Variants in NRXN1 observed in about 807,000 individuals in gnomAD.
The protein encoded by NRXN1 is neurexin 1, also known as neurexin-1.
In NRXN1, 39 loss-of-function variants were observed where a neutral mutation model predicts 150.9. That is an observed-to-expected ratio of 0.26 (90% confidence interval 0.20 to 0.34). NRXN1 has a LOEUF of 0.34. Ranked by LOEUF, NRXN1 falls within the 10% of genes least tolerant of loss-of-function variation. The pLI, the probability that NRXN1 is intolerant of heterozygous loss-of-function variation, is 1.00. For missense variants in NRXN1, 1,815 were observed against 1,949.9 expected, an observed-to-expected ratio of 0.93 and a Z score of 1.30; for synonymous variants, 924 against 757.0, an observed-to-expected ratio of 1.22 and a Z score of -3.62.
intron 5 of NRXN1, among the ~76,000 whole-genome samples, chr2:50,792,411 T>C (rs1262587447): frequency 6.6e-6 from 1 of 152,120 alleles, no homozygotes; most frequent in African/African-American, 2.4e-5. Flanking sequence ...CAGTGCAGAC[T>C]GACCATTTAA....
At chr2:50,940,794 T>G (rs1009592112) in intron 2 of NRXN1, among the ~76,000 whole-genome samples, 1 of 152,216 alleles carries the variant, frequency 6.6e-6, no homozygotes, top group African/African-American at 2.4e-5. Flanking sequence ...AGGGGAAAAA[T>G]AATCAAAAGT....
intron 8 of NRXN1, among the ~76,000 whole-genome samples, chr2:50,571,886 C>T (rs760030754): frequency 2.0e-5 from 3 of 152,164 alleles, no homozygotes; most frequent in Non-Finnish European, 4.4e-5. Context: ...AACCTAAGAA[C>T]ATCCAGATAA....
intron 2 of NRXN1, among the ~76,000 whole-genome samples, chr2:51,026,678 T>C (rs1044006367): frequency 6.6e-6 from 1 of 152,200 alleles, no homozygotes; most frequent in Non-Finnish European, 1.5e-5. Flanking sequence ...AACATCTAAA[T>C]TTCTCTACTA....
chr2:50,166,734 T>C (rs1179774911), intron 18 of NRXN1, among the ~76,000 whole-genome samples: 1 of 152,174 alleles, frequency 6.6e-6, no homozygotes, highest in Non-Finnish European at 1.5e-5. Context: ...CATGAAGCAA[T>C]TAATATATAA....
intron 5 of NRXN1, among the ~76,000 whole-genome samples, chr2:50,825,897 G>A (rs748821427): frequency 2.6e-4 from 40 of 152,290 alleles, no homozygotes; most frequent in Non-Finnish European, 4.1e-4. Context: ...GTCTGTTGGA[G>A]AACTGCTGGC....
chr2:50,305,300 A>G (rs2152957958), intron 17 of NRXN1, among the ~76,000 whole-genome samples: 1 of 152,314 alleles, frequency 6.6e-6, no homozygotes, highest in South Asian at 2.1e-4. Context: ...TTTAACCAAG[A>G]AGATAAAGTA....
intron 8 of NRXN1, among the ~76,000 whole-genome samples, chr2:50,553,453 G>T (rs1323043034): frequency 1.3e-5 from 2 of 152,104 alleles, no homozygotes; most frequent in Non-Finnish European, 2.9e-5. Flanking sequence ...TAAAGCATTT[G>T]AAATTGGATA....
chr2:50,030,697 T>G lies in NRXN1; in HGVS notation c.4128+22574A>C, dbSNP rs375044957. 1.5e-4 allele frequency among the ~76,000 whole-genome samples: 23 copies of G among 152,288 alleles called. No homozygotes were observed. In the South Asian group the frequency reaches 2.7e-3, roughly 18 times the overall value. ...AAACATTCATAGAGAATATACAACTTGAAATATGTTGTAAGGTATGGCTTA... is the reference window on the plus strand; with the variant it reads ...AAACATTCATAGAGAATATACAACTGGAAATATGTTGTAAGGTATGGCTTA... On this transcript the variant is annotated intron_variant, in intron 21 of 22. Transcript: ENST00000401669.
chr2:50,747,434 T>G (rs1700145196), intron 5 of NRXN1, among the ~76,000 whole-genome samples: 1 of 152,124 alleles, frequency 6.6e-6, no homozygotes, highest in Non-Finnish European at 1.5e-5. Context: ...CCCCATTTGC[T>G]TAATTTTCTC....
intron 5 of NRXN1, among the ~76,000 whole-genome samples, chr2:50,755,789 T>C (rs1701097938): frequency 6.6e-6 from 1 of 151,874 alleles, no homozygotes; most frequent in Admixed American, 6.6e-5. Flanking sequence ...GATCCAGTTG[T>C]TCTTTAATTG....
chr2:50,940,302 C>A (rs1226612678), intron 2 of NRXN1, among the ~76,000 whole-genome samples: 1 of 151,852 alleles, frequency 6.6e-6, no homozygotes, highest in Admixed American at 6.6e-5. Context: ...TGGTGAAACC[C>A]CATCTCTACC....
intron 21 of NRXN1, chr2:50,019,270 A>G (rs184290934): frequency 3.6e-5 from 17 of 471,510 alleles, no homozygotes; most frequent in East Asian, 2.8e-4. Context: ...CCTGTTCTCC[A>G]TAAGTTTGAA....
intron 5 of NRXN1, among the ~76,000 whole-genome samples, chr2:50,810,355 GT>G (rs996024759): frequency 2.0e-5 from 3 of 152,140 alleles, no homozygotes; most frequent in Non-Finnish European, 4.4e-5. Context: ...ATAGAGAGAA[GT>G]TTCTGAATAA....
chr2:50,890,060 T>G (rs889409997), intron 5 of NRXN1, among the ~76,000 whole-genome samples: 41 of 151,820 alleles, frequency 2.7e-4, no homozygotes, highest in African/African-American at 9.7e-4. Context: ...AGCTTCAGGT[T>G]TTCCTTTAAT....
chr2:51,019,997 C>CT (rs1285867699), intron 2 of NRXN1, among the ~76,000 whole-genome samples: 1 of 151,018 alleles, frequency 6.6e-6, no homozygotes, highest in Non-Finnish European at 1.5e-5. Context: ...TGTAACTAAG[C>CT]TTTTTTGTAT....
At chr2:50,559,666 G>T (rs1167356070) in intron 8 of NRXN1, among the ~76,000 whole-genome samples, 2 of 152,024 alleles carry the variant, frequency 1.3e-5, no homozygotes, top group Non-Finnish European at 2.9e-5. Flanking sequence ...TACACTATAT[G>T]TCAAATTTAA....
chr2:50,287,513 T>C (rs940887115), intron 17 of NRXN1, among the ~76,000 whole-genome samples: 4 of 151,984 alleles, frequency 2.6e-5, no homozygotes, highest in Non-Finnish European at 4.4e-5. Context: ...GATCACATTG[T>C]CTGAATATTA....
intron 5 of NRXN1, among the ~76,000 whole-genome samples, chr2:50,634,743 G>A (rs1053440093): frequency 2.0e-5 from 3 of 152,110 alleles, no homozygotes; most frequent in East Asian, 1.9e-4. Flanking sequence ...TACCATCACC[G>A]CCCCCTCAAG....
rs530230394 is a variant in NRXN1 at position 50,482,678 on chromosome 2, A to C, written c.3071-10207T>G. On this transcript the variant is annotated intron_variant, in intron 15 of 22. Transcript: ENST00000401669. ...ATCTTGAATAGGGGCTGGGTAAAAT[A>C]AGACTGAGACCTACTGGGCTGGGCT... Among the ~76,000 whole-genome samples, 29 of 152,298 alleles carry C rather than the reference A, an allele frequency of 1.9e-4. 1 individual carries two copies. The highest frequency in any genetic ancestry group is 1.8e-3 in the Admixed American group (28 of 15,294).
Sources: gnomAD v4.1 joint callset for allele counts (sites outside exome capture counted in the v4.1 genomes callset) on GRCh38, gnomAD v4.1.1 for gene constraint, MANE v1.5 for transcripts, NCBI Gene and HGNC (gene_info 2026-07-23, HGNC 2026-07-21) for gene names.